The following XXYLT1 variants were observed in gnomAD, a reference collection of about 807,000 sequenced individuals.
XXYLT1 encodes xyloside xylosyltransferase 1, also known as UDP-xylose:alpha-xyloside alpha-1,3-xylosyltransferase.
In XXYLT1, 20 loss-of-function variants were observed where a neutral mutation model predicts 28.9. That is an observed-to-expected ratio of 0.69 (90% confidence interval 0.49 to 1.00). XXYLT1 has a LOEUF of 1.00. Ranked by LOEUF, XXYLT1 falls within the 50% of genes least tolerant of loss-of-function variation. The pLI, the probability that XXYLT1 is intolerant of heterozygous loss-of-function variation, is 0.00. For missense variants in XXYLT1, 542 were observed against 560.1 expected (o/e 0.97, Z 0.33); for synonymous variants, 257 against 253.8 (o/e 1.01, Z -0.12).
At chr3:195,166,559 AAC>A (rs1721131099) in intron 2 of XXYLT1, among the ~76,000 whole-genome samples, 1 of 152,160 alleles carries the variant, frequency 6.6e-6, no homozygotes, top group South Asian at 2.1e-4. Context: ...CAAAAACAAA[AAC>A]ACAGTTCCTG....
At chr3:195,110,072 GGT>G (rs1412242666) in intron 3 of XXYLT1, among the ~76,000 whole-genome samples, 4,778 of 53,178 alleles carry the variant, frequency 0.09, 1,395 homozygotes, top group African/African-American at 0.26. Context: ...TGTGGTGTCT[GGT>G]GTGTGTGGTG....
chr3:195,183,212 C>A (rs948010528), intron 2 of XXYLT1, among the ~76,000 whole-genome samples: 2 of 152,160 alleles, frequency 1.3e-5, no homozygotes, highest in Non-Finnish European at 2.9e-5. Flanking sequence ...GAATTGTAAT[C>A]CTCATAACCC....
At chr3:195,104,566 G>A (rs955891337) in intron 3 of XXYLT1, among the ~76,000 whole-genome samples, 1 of 152,182 alleles carries the variant, frequency 6.6e-6, no homozygotes, top group East Asian at 1.9e-4. Context: ...CTCCCAGAGA[G>A]CAAGGCAGTG....
intron 1 of XXYLT1, among the ~76,000 whole-genome samples, chr3:195,268,482 T>G (rs373759618): frequency 1.3e-5 from 2 of 150,278 alleles, no homozygotes; most frequent in East Asian, 3.9e-4. Context: ...GCACCTGTAA[T>G]TCCAGCTACT....
chr3:195,117,152 A>G (rs1451188945), intron 3 of XXYLT1, among the ~76,000 whole-genome samples: 2 of 101,272 alleles, frequency 2.0e-5, no homozygotes, highest in African/African-American at 6.5e-5. Flanking sequence ...CATCCCCTTC[A>G]GCTCAGCACT....
chr3:195,102,778 G>C (rs939479300), intron 3 of XXYLT1, among the ~76,000 whole-genome samples: 1 of 152,212 alleles, frequency 6.6e-6, no homozygotes, highest in Admixed American at 6.5e-5. Flanking sequence ...GAGCACGGGA[G>C]AGCAGTTATC....
At position 195,115,008 on chromosome 3, in the gene XXYLT1, C is replaced by T. The variant is rs1461675508; in HGVS notation, c.785+41441G>A. ...TGCCGCAGGCCCCACCCGTTCCACTCGTCAAAATCGTACCTAGCTGAGGTT... is the reference window on the plus strand; with the variant it reads ...TGCCGCAGGCCCCACCCGTTCCACTTGTCAAAATCGTACCTAGCTGAGGTT... On this transcript the variant is annotated intron_variant, in intron 3 of 3. Coordinates refer to ENST00000310380, the MANE Select transcript of XXYLT1 (RefSeq NM_152531.5). The surrounding 1 kb of genome is among the most constrained non-coding windows in gnomAD (Gnocchi z 4.2). Among the ~76,000 whole-genome samples, 1 of 152,200 alleles carries T rather than the reference C, an allele frequency of 6.6e-6. No homozygotes were observed. Among genetic ancestry groups the T allele is most frequent in the South Asian group, 2.1e-4 (1 of 4,828 alleles).
At chr3:195,103,362 G>GCCAGCGGCCTGCGTCCATCACCTCACA (rs1716902895) in intron 3 of XXYLT1, among the ~76,000 whole-genome samples, 1 of 138,988 alleles carries the variant, frequency 7.2e-6, no homozygotes, top group African/African-American at 2.9e-5. Context: ...ATCACCCCAC[G>GCCAGCGGCCTGCGTCCATCACCTCACA]CCAGCGGCCT....
chr3:195,073,395 G>T (rs1204000978), intron 3 of XXYLT1, among the ~76,000 whole-genome samples: 2 of 152,184 alleles, frequency 1.3e-5, no homozygotes, highest in Non-Finnish European at 2.9e-5. Flanking sequence ...TCTGTGGCAC[G>T]TGCAGAGGCT....
rs200681794 is a variant in XXYLT1, at chr3:195,110,888, CGT to C, written c.786-40779_786-40778del. On this transcript the variant is annotated intron_variant, in intron 3 of 3. Transcript: ENST00000310380. ...GTGTGTGGTGTGTGGTGTATGTGTG[CGT>C]GTGTGTGGGTGAGGTGTGTGGTGTG... Among the ~76,000 whole-genome samples the C allele has an allele frequency of 1.5e-4, 15 of 99,818 alleles. 3 individuals carry two copies. Among genetic ancestry groups the C allele is most frequent in the Non-Finnish European group, 2.9e-4 (13 of 45,000 alleles). 65.5% of individuals were successfully genotyped at this position (99,818 alleles called of 152,430 possible).
chr3:195,217,978 G>A (rs1450630368), intron 2 of XXYLT1, among the ~76,000 whole-genome samples: 3 of 149,742 alleles, frequency 2.0e-5, no homozygotes, highest in East Asian at 1.9e-4. Flanking sequence ...ATAGGCCAAC[G>A]GAACAGAACA....
rs1560135998 is a variant in XXYLT1 at position 195,176,940 on chromosome 3, G to A, written c.653-20359C>T. On this transcript the variant is annotated intron_variant, in intron 2 of 3. Coordinates refer to ENST00000310380, the MANE Select transcript of XXYLT1 (RefSeq NM_152531.5). This position sits in a 1 kb window ranked among gnomAD's most constrained non-coding sequence, Gnocchi z 4.9. ...GCCCCCGCCTAGGGACTAACTCCCC[G>A]GCCTGCTGCCGCTGCTGACGTCCCC... 6.6e-6 allele frequency among the ~76,000 whole-genome samples: 1 copy of A among 151,930 alleles called. No homozygotes were observed. The highest frequency in any genetic ancestry group is 6.5e-5 in the Admixed American group (1 of 15,282).
intron 2 of XXYLT1, among the ~76,000 whole-genome samples, chr3:195,188,315 A>C (rs1443717084): frequency 6.6e-6 from 1 of 152,240 alleles, no homozygotes; most frequent in Admixed American, 6.5e-5. Context: ...GGACTGGCTA[A>C]AACAGGTCTG....
intron 3 of XXYLT1, among the ~76,000 whole-genome samples, chr3:195,112,354 C>G (rs1717766747): frequency 6.6e-6 from 1 of 152,190 alleles, no homozygotes; most frequent in Non-Finnish European, 1.5e-5. Flanking sequence ...TCTGAGGCAA[C>G]TCGGGGCAGG....
In XXYLT1 at chr3:195,252,715, C is replaced by CAGAGAG. The variant is rs1345883267; in HGVS notation, c.504+17839_504+17840insCTCTCT. On this transcript the variant is annotated intron_variant, in intron 1 of 3. Coordinates refer to ENST00000310380, the MANE Select transcript of XXYLT1 (RefSeq NM_152531.5). ...AACCACACACACACACACACACACACACACACACACACAGAGAGAGAGAGA... is the reference window on the plus strand; with the variant it reads ...AACCACACACACACACACACACACACAGAGAGACACACACACACAGAGAGAGAGAGA... Among the ~76,000 whole-genome samples the CAGAGAG allele has an allele frequency of 1.9e-3, 271 of 141,688 alleles. 4 individuals are homozygous for CAGAGAG. The highest frequency in any genetic ancestry group is 7.7e-3 in the African/African-American group (254 of 33,068). The allele number at this position is 141,688 out of a possible 152,430, so 93.0% of individuals were successfully genotyped here. A position where few individuals can be genotyped will look rare whatever the true frequency, so the allele number is the denominator to read the frequency against.
At chr3:195,175,891 G>GA in intron 2 of XXYLT1, 3 of 1,395,988 alleles carry the variant, frequency 2.1e-6, no homozygotes, top group East Asian at 2.7e-5. Context: ...ATTTGTGTGG[G>GA]AAAGAAAAAA....
intron 2 of XXYLT1, among the ~76,000 whole-genome samples, chr3:195,159,819 G>C (rs1047088756): frequency 2.6e-5 from 4 of 152,262 alleles, no homozygotes; most frequent in African/African-American, 9.6e-5. Flanking sequence ...TACCAGCTGG[G>C]AGATTTTCAA....
intron 3 of XXYLT1, among the ~76,000 whole-genome samples, chr3:195,108,672 A>T (rs1483963908): frequency 1.3e-5 from 2 of 152,238 alleles, no homozygotes; most frequent in Non-Finnish European, 2.9e-5. Flanking sequence ...CCTGCATGGC[A>T]TGTTACTATA....
chr3:195,134,462 CCT>C (rs1433883707), intron 3 of XXYLT1: 4 of 153,976 alleles, frequency 2.6e-5, no homozygotes, highest in South Asian at 2.0e-4. Flanking sequence ...AATATTTACC[CCT>C]GTGTTATAGC....
Sources: allele counts gnomAD v4.1 joint callset (sites outside exome capture counted in the v4.1 genomes callset), GRCh38; gene constraint gnomAD v4.1.1; non-coding constraint Gnocchi (gnomAD v3.1); transcripts MANE v1.5; gene names NCBI Gene and HGNC (gene_info 2026-07-23, HGNC 2026-07-21).